The following TSGA10 variants were observed in gnomAD, a reference collection of about 807,000 sequenced individuals.
TSGA10 encodes testis-specific gene 10 protein.
TSGA10 carries 43 observed loss-of-function variants against 96.6 expected under a neutral mutation model. The ratio of observed to expected loss-of-function variants is 0.44; its 90% CI spans 0.35 to 0.57. The LOEUF (loss-of-function observed/expected upper bound fraction) is 0.57. TSGA10 is among the 20% of genes least tolerant of loss of function. The pLI is 0.01. For missense variants in TSGA10, 703 were observed against 834.4 expected (o/e 0.84, Z 1.94); for synonymous variants, 229 against 269.9 (o/e 0.85, Z 1.48).
At chr2:99,032,399 A>G (rs1296028542) in intron 17 of TSGA10, among the ~76,000 whole-genome samples, 4 of 152,238 alleles carry the variant, frequency 2.6e-5, no homozygotes, top group Non-Finnish European at 5.9e-5. Flanking sequence ...CACTTAAATT[A>G]CGGGTTCATT....
intron 10 of TSGA10, among the ~76,000 whole-genome samples, chr2:99,086,200 A>G (rs1020319531): frequency 1.3e-5 from 2 of 152,254 alleles, no homozygotes; most frequent in African/African-American, 4.8e-5. Flanking sequence ...ATGAACAAAA[A>G]CAAACCAAAA....
intron 2 of TSGA10, chr2:99,126,344 ATTG>A (rs1475129486): frequency 6.6e-6 from 1 of 152,140 alleles, no homozygotes; most frequent in African/African-American, 2.4e-5. Context: ...TTTTGTGCCT[ATTG>A]TTATTTCTAG....
chr2:99,076,536 T>C (rs1452410103), intron 12 of TSGA10, among the ~76,000 whole-genome samples: 1 of 152,058 alleles, frequency 6.6e-6, no homozygotes, highest in Non-Finnish European at 1.5e-5. Flanking sequence ...TGTATCTATA[T>C]CTCTATGGGA....
intron 1 of TSGA10, among the ~76,000 whole-genome samples, chr2:99,136,985 G>A (rs1176400995): frequency 1.3e-5 from 2 of 148,788 alleles, no homozygotes; most frequent in Non-Finnish European, 3.0e-5. Flanking sequence ...ACTTTAACGT[G>A]TCTAAAACAG....
At chr2:99,004,261 C>A (rs2078259200) in intron 20 of TSGA10, among the ~76,000 whole-genome samples, 1 of 152,058 alleles carries the variant, frequency 6.6e-6, no homozygotes, top group Non-Finnish European at 1.5e-5. Flanking sequence ...GAAGTTGAAT[C>A]TCTGAATAGA....
At chr2:99,154,359 T>C (rs938803683) in intron 1 of TSGA10, 6 of 152,202 alleles carry the variant, frequency 3.9e-5, no homozygotes, top group African/African-American at 1.2e-4. Flanking sequence ...CCAACTGCAG[T>C]GAGTTGGCAA....
chr2:99,015,060 T>C lies in TSGA10; in HGVS notation c.2072+3140A>G, dbSNP rs1277906289. On this transcript the variant is annotated intron_variant, in intron 20 of 20. Transcript: ENST00000393483. Reference sequence around the variant, plus strand: ...TTCACAGCTGAATTCCATCAGACAGTCAAAGAAGAATTGGAACCAATCCTA... The same window carrying C: ...TTCACAGCTGAATTCCATCAGACAGCCAAAGAAGAATTGGAACCAATCCTA... 2.0e-5 allele frequency among the ~76,000 whole-genome samples: 3 copies of C among 152,094 alleles called. No homozygotes were observed. In the East Asian group the frequency reaches 5.8e-4, roughly 29 times the overall value.
At position 99,110,851 on chromosome 2, in the gene TSGA10, G is replaced by T; in HGVS notation, c.-75C>A. 1 of 709,902 alleles carries T rather than the reference G, an allele frequency of 1.4e-6. No individual in the cohort carries two copies. Among genetic ancestry groups the T allele is most frequent in the African/African-American group, 1.9e-5 (1 of 51,914 alleles). 44.0% of individuals were successfully genotyped at this position (709,902 alleles called of 1,614,324 possible). On this transcript the variant is annotated splice_region_variant and 5_prime_UTR_variant, in exon 5 of 21. Coordinates refer to ENST00000393483, the MANE Select transcript of TSGA10 (RefSeq NM_025244.4). Reference sequence around the variant, plus strand: ...CATATTTATGAAAAATGTACTTACAGATTTAAGCCTTTTTATTGTATCTTC... The same window carrying T: ...CATATTTATGAAAAATGTACTTACATATTTAAGCCTTTTTATTGTATCTTC...
At chr2:99,115,123 G>C (rs886647823) in intron 4 of TSGA10, among the ~76,000 whole-genome samples, 2 of 151,964 alleles carry the variant, frequency 1.3e-5, no homozygotes, top group Admixed American at 1.3e-4. Flanking sequence ...AGTAGAAATG[G>C]GGTTTCATCA....
intron 10 of TSGA10, among the ~76,000 whole-genome samples, chr2:99,093,055 T>C (rs1358835364): frequency 1.3e-5 from 2 of 152,156 alleles, no homozygotes; most frequent in Non-Finnish European, 2.9e-5. Flanking sequence ...TAATTCACCA[T>C]GATCAAGTGG....
intron 10 of TSGA10, among the ~76,000 whole-genome samples, chr2:99,086,020 A>G (rs2104634951): frequency 6.6e-6 from 1 of 152,340 alleles, no homozygotes; most frequent in African/African-American, 2.4e-5. Context: ...TCGATTTTCA[A>G]TAAATACACC....
At chr2:99,084,030 T>A (rs559556443) in intron 10 of TSGA10, among the ~76,000 whole-genome samples, 3 of 152,196 alleles carry the variant, frequency 2.0e-5, no homozygotes, top group African/African-American at 7.2e-5. Context: ...GTGACGGGAA[T>A]ACATCGACTT....
intron 1 of TSGA10, among the ~76,000 whole-genome samples, chr2:99,148,539 C>G (rs2093655330): frequency 6.6e-6 from 1 of 152,172 alleles, no homozygotes; most frequent in Non-Finnish European, 1.5e-5. Context: ...CACTGATATT[C>G]AGTCACAAAT....
chr2:99,104,446 T>C lies in TSGA10; in HGVS notation c.460-328A>G, dbSNP rs192575515. On this transcript the variant is annotated intron_variant, in intron 9 of 20. Coordinates refer to ENST00000393483, the MANE Select transcript of TSGA10 (RefSeq NM_025244.4). ...AAATTACACATATAATGTAGAATTA[T>C]GAAAACAAAAATTATTTTCTCCTGT... 1.8e-3 allele frequency among the ~76,000 whole-genome samples: 267 copies of C among 152,250 alleles called. 1 individual carries two copies. Among genetic ancestry groups the C allele is most frequent in the Middle Eastern group, 6.8e-3 (2 of 292 alleles).
rs983874593 is a variant in TSGA10, at chr2:99,154,895, G to C, written c.-823C>G. 5 of 411,070 alleles carry C rather than the reference G, an allele frequency of 1.2e-5. No homozygotes were observed. The highest frequency in any genetic ancestry group is 1.0e-4 in the African/African-American group (5 of 48,974). 25.5% of individuals were successfully genotyped at this position (411,070 alleles called of 1,614,324 possible). On this transcript the variant is annotated 5_prime_UTR_variant, in exon 1 of 21. In the 5' UTR this introduces an upstream ATG that the reference lacks. Coordinates refer to ENST00000393483, the MANE Select transcript of TSGA10 (RefSeq NM_025244.4). ...CTCCGCAGGCGGAGAGACTAGGCGC[G>C]ATCCCTGCGCGCCCCTCCTTCTCTT...
chr2:99,034,192 G>A (rs564488329), intron 17 of TSGA10, among the ~76,000 whole-genome samples: 1 of 151,560 alleles, frequency 6.6e-6, no homozygotes, highest in South Asian at 2.1e-4. Context: ...GATTAAAGTC[G>A]AGGAGTTCAA....
chr2:99,140,756 C>G (rs1214332416), intron 1 of TSGA10, among the ~76,000 whole-genome samples: 3 of 152,170 alleles, frequency 2.0e-5, no homozygotes, highest in Admixed American at 1.3e-4. Context: ...CCAAATTCCT[C>G]GGCTCCACCA....
intron 20 of TSGA10, among the ~76,000 whole-genome samples, chr2:99,011,264 C>T (rs1409533106): frequency 1.3e-5 from 2 of 152,180 alleles, no homozygotes; most frequent in Non-Finnish European, 2.9e-5. Flanking sequence ...TCCCAAGTAG[C>T]TGGGATTACA....
chr2:99,045,053 C>T (rs2082615851), intron 16 of TSGA10, among the ~76,000 whole-genome samples: 1 of 152,132 alleles, frequency 6.6e-6, no homozygotes, highest in Non-Finnish European at 1.5e-5. Flanking sequence ...AAATTTATAG[C>T]ACTAAATGCC....
Sources: allele counts gnomAD v4.1 joint callset (sites outside exome capture counted in the v4.1 genomes callset), GRCh38; gene constraint gnomAD v4.1.1; transcripts MANE v1.5; gene names NCBI Gene and HGNC (gene_info 2026-07-23, HGNC 2026-07-21).